COL4A2: variants seen among roughly 807,000 people sequenced by gnomAD.
COL4A2 encodes collagen alpha-2(IV) chain.
Under a neutral mutation model 200.2 loss-of-function variants are expected in COL4A2, and 99 were observed. That is an observed-to-expected ratio of 0.49 (90% CI 0.42 to 0.58). The LOEUF (loss-of-function observed/expected upper bound fraction) is 0.58, where lower values mean the gene tolerates loss of function less well. Among genes scored for constraint, COL4A2 ranks in the 20% least tolerant of loss-of-function variants. The pLI is 0.00. For missense variants in COL4A2, 1,950 were observed against 2,314.1 expected, an observed-to-expected ratio of 0.84 and a Z score of 3.23; for synonymous variants, 897 against 900.6, an observed-to-expected ratio of 1.00 and a Z score of 0.07.
intron 18 of COL4A2, 39 bp downstream of exon 18, chr13:110,446,903 T>G: frequency 1.9e-6 from 3 of 1,548,512 alleles, no homozygotes; most frequent in Non-Finnish European, 2.7e-6. Flanking sequence ...CAGCATCGCA[T>G]ACACATTCTC....
At chr13:110,349,711 T>C (rs1387053381) in intron 3 of COL4A2, among the ~76,000 whole-genome samples, 1 of 152,074 alleles carries the variant, frequency 6.6e-6, no homozygotes, top group Non-Finnish European at 1.5e-5. Flanking sequence ...GCATCTGGAG[T>C]GATTTGATGT....
rs1881490274 is a variant in COL4A2, at chr13:110,450,333, G to A, written c.1218G>A (p.Met406Ile). 6.2e-6 allele frequency: 10 copies of A among 1,613,812 alleles called. No homozygotes were observed. The South Asian group carries it at 9.9e-5, about 16-fold the overall frequency. Residue 406 changes from methionine (M) to isoleucine (I), a missense_variant, in exon 20 of 48, where the codon ATG (methionine) becomes ATA (isoleucine). By Grantham distance (10) the Met-to-Ile change is conservative. This residue lies in a region of COL4A2 where 565 missense variants were observed against 593.5 expected (regional missense o/e 0.95). Coordinates refer to ENST00000360467, the MANE Select transcript of COL4A2 (RefSeq NM_001846.4). The part of the protein sequence containing the change: ...GDQRRGLPGE[M>I]GPKGFIGDPG... ...AGAGGAGAGGCCTGCCGGGTGAGATGGGACCCAAGGGCTTCATCGGAGACC... is the reference window on the plus strand; with the variant it reads ...AGAGGAGAGGCCTGCCGGGTGAGATAGGACCCAAGGGCTTCATCGGAGACC...
chr13:110,330,400 G>A (rs544281145), intron 3 of COL4A2, among the ~76,000 whole-genome samples: 1 of 152,228 alleles, frequency 6.6e-6, no homozygotes, highest in East Asian at 1.9e-4. Context: ...GAGGCGCGGG[G>A]TGGAGGCGGG....
At chr13:110,444,076 T>G (rs1343588684) in intron 16 of COL4A2, among the ~76,000 whole-genome samples, 1 of 152,204 alleles carries the variant, frequency 6.6e-6, no homozygotes, top group African/African-American at 2.4e-5. Flanking sequence ...AGCTCATTGC[T>G]TTGGCTCTTG....
intron 4 of COL4A2, among the ~76,000 whole-genome samples, chr13:110,357,772 TG>T (rs1427520009): frequency 1.3e-5 from 2 of 152,142 alleles, no homozygotes; most frequent in Admixed American, 1.3e-4. Context: ...CGTAGGCAGT[TG>T]CGACACAGTA....
At chr13:110,491,188 G>C in intron 36 of COL4A2, 45 bp from the exon 37 acceptor site, 1 of 1,395,186 alleles carries the variant, frequency 7.2e-7, no homozygotes, top group Non-Finnish European at 1.0e-6. Context: ...GAACCCACAG[G>C]GGCGCGGTGT....
intron 3 of COL4A2, among the ~76,000 whole-genome samples, chr13:110,347,620 G>T (rs1175777229): frequency 6.6e-6 from 1 of 152,246 alleles, no homozygotes; most frequent in East Asian, 1.9e-4. Context: ...ACTGGGATGT[G>T]TTCTGGCCCT....
chr13:110,434,313 C>G, intron 11 of COL4A2, 88 bp from the exon 12 acceptor site: 2 of 1,242,386 alleles, frequency 1.6e-6, no homozygotes, highest in Non-Finnish European at 2.3e-6. Context: ...GATAAATAGG[C>G]CTTGGGTTTC....
chr13:110,423,505 A>G (rs1880341108), intron 4 of COL4A2, among the ~76,000 whole-genome samples: 1 of 152,158 alleles, frequency 6.6e-6, no homozygotes, highest in Non-Finnish European at 1.5e-5. Flanking sequence ...CACCTAGGTG[A>G]TGGGTTGATA....
At chr13:110,354,880 C>T (rs1017934621) in intron 3 of COL4A2, among the ~76,000 whole-genome samples, 1 of 152,184 alleles carries the variant, frequency 6.6e-6, no homozygotes, top group African/African-American at 2.4e-5. Context: ...CTGGAAGACC[C>T]TGCTGGGCGG....
At chr13:110,392,978 G>A (rs947188747) in intron 4 of COL4A2, among the ~76,000 whole-genome samples, 1 of 152,196 alleles carries the variant, frequency 6.6e-6, no homozygotes. Flanking sequence ...TTACATGGAG[G>A]ATTCTGACTA....
intron 4 of COL4A2, among the ~76,000 whole-genome samples, chr13:110,375,636 C>T (rs1314299267): frequency 6.6e-6 from 1 of 152,134 alleles, no homozygotes; most frequent in African/African-American, 2.4e-5. Context: ...TCGAGACCAG[C>T]CTAGCCAACA....
At chr13:110,494,306 A>C (rs1883381654) in intron 39 of COL4A2, among the ~76,000 whole-genome samples, 1 of 150,380 alleles carries the variant, frequency 6.6e-6, no homozygotes, top group African/African-American at 2.4e-5. Flanking sequence ...TGTCCTCCCC[A>C]AGAAGCTGAG....
chr13:110,388,850 C>G (rs1398479491), intron 4 of COL4A2, among the ~76,000 whole-genome samples: 1 of 152,190 alleles, frequency 6.6e-6, no homozygotes, highest in East Asian at 1.9e-4. Flanking sequence ...GGACAGATTC[C>G]TCGTGTGATC....
At chr13:110,453,219 G>A (rs189058276) in intron 20 of COL4A2, among the ~76,000 whole-genome samples, 4 of 152,178 alleles carry the variant, frequency 2.6e-5, no homozygotes, top group East Asian at 3.9e-4. Flanking sequence ...CCACTTTAAC[G>A]GCCAGGCATG....
chr13:110,457,894 G>T (rs921405647), intron 21 of COL4A2, among the ~76,000 whole-genome samples: 1 of 152,116 alleles, frequency 6.6e-6, no homozygotes, highest in African/African-American at 2.4e-5. Flanking sequence ...GGTTTGCCCG[G>T]GTCTCCCTTC....
chr13:110,360,215 C>CG (rs1364317071), intron 4 of COL4A2, among the ~76,000 whole-genome samples: 2 of 152,180 alleles, frequency 1.3e-5, no homozygotes. Flanking sequence ...CTGTGTGGGA[C>CG]GGAGTTCGTG....
At chr13:110,345,612 T>C (rs1876662166) in intron 3 of COL4A2, among the ~76,000 whole-genome samples, 1 of 152,142 alleles carries the variant, frequency 6.6e-6, no homozygotes, top group African/African-American at 2.4e-5. Flanking sequence ...TTTAACCTGA[T>C]ATGGGCTCTC....
At chr13:110,449,005 A>G in intron 18 of COL4A2, among the ~76,000 whole-genome samples, 1 of 152,218 alleles carries the variant, frequency 6.6e-6, no homozygotes, top group South Asian at 2.1e-4. Context: ...CATACACGGA[A>G]GTCAGGCCTT....
Sources: gnomAD v4.1 joint callset for allele counts (sites outside exome capture counted in the v4.1 genomes callset) on GRCh38, gnomAD v4.1.1 for gene constraint, gnomAD v4.1.1 regional missense constraint, MANE v1.5 for transcripts, NCBI Gene and HGNC (gene_info 2026-07-23, HGNC 2026-07-21) for gene names.